Variants in FLT1 observed in about 807,000 individuals in gnomAD.
FLT1 encodes vascular endothelial growth factor receptor 1.
A neutral mutation model predicts 156.3 loss-of-function variants in FLT1; 49 were observed. That is an observed-to-expected ratio of 0.31 (90% CI 0.25 to 0.40). The LOEUF (loss-of-function observed/expected upper bound fraction) is 0.40. Among genes scored for constraint, FLT1 ranks in the 10% least tolerant of loss-of-function variants. The probability of loss-of-function intolerance (pLI) is 1.00; values close to 1 mark genes in which losing one functional copy is unlikely to be tolerated. For missense variants in FLT1, 1,322 were observed against 1,637.2 expected (o/e 0.81, Z 3.32); for synonymous variants, 594 against 583.8 (o/e 1.02, Z -0.25).
chr13:28,445,696 C>T (rs186824761), intron 3 of FLT1, among the ~76,000 whole-genome samples: 96 of 152,158 alleles, frequency 6.3e-4, no homozygotes, highest in Non-Finnish European at 1.1e-3. Context: ...AAGCTGCTCA[C>T]GAGGGAAAGT....
intron 11 of FLT1, among the ~76,000 whole-genome samples, chr13:28,402,583 T>G (rs34095319): frequency 0.035 from 5,360 of 151,930 alleles, 171 homozygotes; most frequent in African/African-American, 0.081. Flanking sequence ...TCTATATATA[T>G]AGAGAGAGAG....
intron 10 of FLT1, among the ~76,000 whole-genome samples, chr13:28,411,812 A>T (rs1477767594): frequency 6.6e-6 from 1 of 152,162 alleles, no homozygotes; most frequent in Admixed American, 6.5e-5. Context: ...GTTTATATAA[A>T]TGTATAATGA....
intron 14 of FLT1, among the ~76,000 whole-genome samples, chr13:28,374,455 C>A (rs543632060): frequency 3.3e-5 from 5 of 151,918 alleles, no homozygotes; most frequent in Admixed American, 2.0e-4. Context: ...AAAGAAAAAA[C>A]CCAAAAAAAC....
chr13:28,360,383 A>G (rs929325818), intron 14 of FLT1, among the ~76,000 whole-genome samples: 6 of 152,246 alleles, frequency 3.9e-5, no homozygotes, highest in African/African-American at 1.4e-4. Flanking sequence ...AGATGTCTGC[A>G]TTCCCATGTT....
chr13:28,423,292 G>A (rs1259569591), intron 10 of FLT1, among the ~76,000 whole-genome samples: 2 of 152,100 alleles, frequency 1.3e-5, no homozygotes, highest in African/African-American at 4.8e-5. Flanking sequence ...ATTCCCTCAT[G>A]ACACCCTTCC....
intron 10 of FLT1, among the ~76,000 whole-genome samples, chr13:28,426,523 C>A (rs951018110): frequency 1.3e-5 from 2 of 152,124 alleles, no homozygotes; most frequent in South Asian, 2.1e-4. Context: ...CAAACCTTTG[C>A]GCATCGAGTG....
intron 19 of FLT1, 46 bp downstream of exon 19, chr13:28,329,569 A>C (rs1365125248): frequency 7.4e-7 from 1 of 1,344,618 alleles, no homozygotes; most frequent in East Asian, 2.3e-5. Flanking sequence ...CTGTTCTCCC[A>C]GCCTGTGCAG....
chr13:28,480,059 C>T (rs1880752348), intron 1 of FLT1, among the ~76,000 whole-genome samples: 2 of 152,166 alleles, frequency 1.3e-5, no homozygotes, highest in Admixed American at 1.3e-4. Flanking sequence ...CCACCACCTC[C>T]TTTGGATGAG....
chr13:28,491,279 C>T (rs568014744), intron 1 of FLT1, among the ~76,000 whole-genome samples: 3 of 152,188 alleles, frequency 2.0e-5, no homozygotes, highest in African/African-American at 4.8e-5. Context: ...TTAAAAGTCA[C>T]GTAAAGTAGA....
chr13:28,420,995 C>T (rs1022869024), intron 10 of FLT1, among the ~76,000 whole-genome samples: 1 of 151,910 alleles, frequency 6.6e-6, no homozygotes. Flanking sequence ...CCACCCCACC[C>T]CCCATCCCCG....
chr13:28,464,070 T>A (rs1879725826), intron 3 of FLT1, among the ~76,000 whole-genome samples: 1 of 152,196 alleles, frequency 6.6e-6, no homozygotes, highest in Non-Finnish European at 1.5e-5. Flanking sequence ...CATTATTGAT[T>A]CCAATATCTT....
At position 28,430,096 on chromosome 13, in the gene FLT1, G is replaced by A. The variant is rs778277302; in HGVS notation, c.1060C>T (p.Arg354Trp). 4.8e-5 allele frequency: 78 copies of A among 1,613,738 alleles called. No homozygotes were observed. Among genetic ancestry groups the A allele is most frequent in the East Asian group, 4.0e-4 (18 of 44,896 alleles). The stretch of plus-strand genomic sequence containing the variant: ...AATGCCTTCACTTTCATAGAGAGCC[G>A]GTAAGACCGCTTGCCAGCTACGGTT... ...LETVAGKRSY[R>W]LSMKVKAFPS... is the part of the protein sequence containing the mutation. Residue 354 changes from arginine to tryptophan, a missense_variant, in exon 8 of 30, where the codon CGG becomes TGG. Coordinates refer to ENST00000282397, the MANE Select transcript of FLT1 (RefSeq NM_002019.4).
intron 3 of FLT1, among the ~76,000 whole-genome samples, chr13:28,466,041 T>G (rs960628183): frequency 6.6e-6 from 1 of 152,152 alleles, no homozygotes; most frequent in African/African-American, 2.4e-5. Context: ...CTAATATTGC[T>G]TTGTGTTCTC....
chr13:28,459,511 TGGA>T (rs1879446465), intron 3 of FLT1, among the ~76,000 whole-genome samples: 2 of 152,006 alleles, frequency 1.3e-5, no homozygotes, highest in African/African-American at 4.8e-5. Context: ...GATGGGCAGG[TGGA>T]GGAGAGAATG....
intron 1 of FLT1, 133 bp from the exon 2 acceptor site, chr13:28,467,750 T>G: frequency 1.6e-6 from 1 of 616,164 alleles, no homozygotes; most frequent in Non-Finnish European, 2.8e-6. Flanking sequence ...CTTTAATTTA[T>G]AAGCAAAAGA....
intron 27 of FLT1, among the ~76,000 whole-genome samples, chr13:28,310,756 T>C (rs911920951): frequency 8.5e-5 from 13 of 152,230 alleles, no homozygotes. Context: ...TTTGTTTGTT[T>C]AGTTTTATCT....
In FLT1 at chr13:28,434,808, G is replaced by A. The variant is rs1360315312; in HGVS notation, c.514-588C>T. Among the ~76,000 whole-genome samples, 5 of 152,134 alleles carry A rather than the reference G, an allele frequency of 3.3e-5. No homozygotes were observed. In the South Asian group the frequency reaches 6.2e-4, roughly 19 times the overall value. On this transcript the variant is annotated intron_variant, in intron 4 of 29. Coordinates refer to ENST00000282397, the MANE Select transcript of FLT1 (RefSeq NM_002019.4). ...TGAGGCAGGAGAATCGCTTGAACCC[G>A]GGAGGCAGAGGTTGCAGTGAGCTGA...
At chr13:28,311,153 C>T (rs1215337978) in intron 27 of FLT1, among the ~76,000 whole-genome samples, 2 of 152,070 alleles carry the variant, frequency 1.3e-5, no homozygotes, top group Non-Finnish European at 2.9e-5. Context: ...GATGAGGTCT[C>T]TCTATGTTGC....
chr13:28,426,083 C>A (rs1357972156), intron 10 of FLT1, among the ~76,000 whole-genome samples: 3 of 149,590 alleles, frequency 2.0e-5, no homozygotes, highest in East Asian at 2.0e-4. Flanking sequence ...ATAGCCACTT[C>A]TATCTGTTTA....
Sources: allele counts gnomAD v4.1 joint callset (sites outside exome capture counted in the v4.1 genomes callset), GRCh38; gene constraint gnomAD v4.1.1; transcripts MANE v1.5; gene names NCBI Gene and HGNC (gene_info 2026-07-23, HGNC 2026-07-21).